PRR16: variants seen among roughly 807,000 people sequenced by gnomAD.
PRR16 encodes the protein proline rich 16, also known as protein Largen.
Under a neutral mutation model 18.2 loss-of-function variants are expected in PRR16, and 6 were observed. The observed-to-expected ratio is 0.33, with a 90% CI of 0.18 to 0.65. PRR16 has a LOEUF of 0.65. Among genes scored for constraint, PRR16 ranks in the 30% least tolerant of loss-of-function variants. The pLI is 0.74. For missense variants in PRR16, 412 were observed against 376.6 expected, an observed-to-expected ratio of 1.09 and a Z score of -0.78; for synonymous variants, 151 against 147.8, an observed-to-expected ratio of 1.02 and a Z score of -0.16.
At chr5:120,539,116 A>G (rs1161402629) in intron 1 of PRR16, among the ~76,000 whole-genome samples, 1 of 152,094 alleles carries the variant, frequency 6.6e-6, no homozygotes, top group Non-Finnish European at 1.5e-5. Flanking sequence ...GGCAACTTTG[A>G]CGCCATTTCT....
chr5:120,574,295 G>T (rs1753005292), intron 1 of PRR16, among the ~76,000 whole-genome samples: 1 of 152,058 alleles, frequency 6.6e-6, no homozygotes, highest in Non-Finnish European at 1.5e-5. Context: ...CAAAAGATAT[G>T]AATAGCCACT....
At position 120,466,055 on chromosome 5, in the gene PRR16, A is replaced by G. The variant is rs893207125; in HGVS notation, c.159+1410A>G. Among the ~76,000 whole-genome samples, 63 of 152,138 alleles carry G rather than the reference A, an allele frequency of 4.1e-4. 2 individuals are homozygous for G. Among genetic ancestry groups the G allele is most frequent in the Non-Finnish European group, 1.0e-4 (7 of 68,024 alleles). ...TGCCAGTGGTAAATGTCGTTCCTGT[A>G]GGTTACTCCACAGACAGAACATAAT... On this transcript the variant is annotated intron_variant, in intron 1 of 1. Coordinates refer to ENST00000407149, the MANE Select transcript of PRR16 (RefSeq NM_001300783.2).
chr5:120,584,738 C>T (rs537235137), intron 1 of PRR16, among the ~76,000 whole-genome samples: 3 of 152,228 alleles, frequency 2.0e-5, no homozygotes, highest in African/African-American at 2.4e-5. Flanking sequence ...TGATTTCTAA[C>T]TTCAAATGTC....
At chr5:120,754,502 T>TATAATATATAG in the PRR16 span, among the ~76,000 whole-genome samples, 315 of 75,626 alleles carry the variant, frequency 4.2e-3, 11 homozygotes, top group African/African-American at 0.016. Flanking sequence ...ATGTATTTTA[T>TATAATATATAG]TATGTATATT....
In PRR16 at chr5:120,508,448, A is replaced by G. The variant is rs139786939; in HGVS notation, c.159+43803A>G. Among the ~76,000 whole-genome samples the G allele has an allele frequency of 5.2e-3, 793 of 152,262 alleles. 13 individuals are homozygous for G. Among genetic ancestry groups the G allele is most frequent in the African/African-American group, 0.018 (756 of 41,578 alleles). ...GGAGAATGTGTGGAGTCTGATGACA[A>G]TTTAATCTCTGTAGCAGTCTGCTGC... On this transcript the variant is annotated intron_variant, in intron 1 of 1. Transcript: ENST00000407149.
intron 1 of PRR16, among the ~76,000 whole-genome samples, chr5:120,665,976 T>C (rs1332549258): frequency 6.6e-6 from 1 of 152,132 alleles, no homozygotes; most frequent in African/African-American, 2.4e-5. Context: ...TTAAAGTAGT[T>C]TTTTCCAATT....
At chr5:120,474,415 C>A (rs1177649525) in intron 1 of PRR16, among the ~76,000 whole-genome samples, 1 of 152,080 alleles carries the variant, frequency 6.6e-6, no homozygotes, top group African/African-American at 2.4e-5. Flanking sequence ...CCTCTTCCTA[C>A]TTTGCAATAG....
At chr5:120,717,747 C>G in the PRR16 span, among the ~76,000 whole-genome samples, 2 of 152,186 alleles carry the variant, frequency 1.3e-5, no homozygotes, top group South Asian at 4.1e-4. Flanking sequence ...ACTCTGTGCT[C>G]TTTATAAATC....
chr5:120,750,305 T>TTCAAG, the PRR16 span, among the ~76,000 whole-genome samples: 2 of 152,098 alleles, frequency 1.3e-5, no homozygotes, highest in African/African-American at 4.8e-5. Context: ...CTCCATAAGA[T>TTCAAG]TCAAGTCAAC....
At chr5:120,601,682 A>C (rs1753987047) in intron 1 of PRR16, among the ~76,000 whole-genome samples, 1 of 151,774 alleles carries the variant, frequency 6.6e-6, no homozygotes, top group Non-Finnish European at 1.5e-5. Context: ...TTCTTCTAGA[A>C]TTTTTATAGT....
chr5:120,534,068 G>A (rs300974), intron 1 of PRR16, among the ~76,000 whole-genome samples: 105,448 of 152,018 alleles, frequency 0.69, 38,759 homozygotes, highest in East Asian at 0.86. Flanking sequence ...AGGTTTTAAC[G>A]GGTGGAGATT....
At chr5:120,642,929 C>T (rs539495557) in intron 1 of PRR16, among the ~76,000 whole-genome samples, 1 of 152,184 alleles carries the variant, frequency 6.6e-6, no homozygotes, top group African/African-American at 2.4e-5. Flanking sequence ...GTTTCCATGT[C>T]TTCATTCTTG....
the PRR16 span, among the ~76,000 whole-genome samples, chr5:120,732,423 A>T: frequency 6.6e-6 from 1 of 152,070 alleles, no homozygotes; most frequent in Non-Finnish European, 1.5e-5. Flanking sequence ...CAGTACCCTG[A>T]TATATTGATT....
At chr5:120,730,331 G>C in the PRR16 span, among the ~76,000 whole-genome samples, 32 of 152,260 alleles carry the variant, frequency 2.1e-4, no homozygotes, top group Middle Eastern at 3.4e-3. Flanking sequence ...ATGGATTTTA[G>C]TGTGAAGATG....
At chr5:120,679,719 C>T (rs945499679) in intron 1 of PRR16, among the ~76,000 whole-genome samples, 16 of 151,922 alleles carry the variant, frequency 1.1e-4, no homozygotes, top group African/African-American at 3.1e-4. Flanking sequence ...TGGACTTGAA[C>T]GACATTATGC....
the PRR16 span, among the ~76,000 whole-genome samples, chr5:120,726,177 A>G: frequency 6.6e-6 from 1 of 152,140 alleles, no homozygotes; most frequent in Admixed American, 6.6e-5. Flanking sequence ...TACATTGAAA[A>G]TATAAGGAAA....
At chr5:120,667,480 T>G (rs1470556779) in intron 1 of PRR16, among the ~76,000 whole-genome samples, 1 of 151,924 alleles carries the variant, frequency 6.6e-6, no homozygotes, top group Non-Finnish European at 1.5e-5. Context: ...TTTTAGTTAT[T>G]TCTTGCCTTC....
chr5:120,628,433 T>C (rs535808721), intron 1 of PRR16, among the ~76,000 whole-genome samples: 20 of 152,124 alleles, frequency 1.3e-4, no homozygotes, highest in African/African-American at 4.8e-4. Context: ...GATAATGGAT[T>C]CTGTTTCTGT....
intron 1 of PRR16, among the ~76,000 whole-genome samples, chr5:120,482,152 C>T (rs1749639237): frequency 6.6e-6 from 1 of 151,992 alleles, no homozygotes; most frequent in Non-Finnish European, 1.5e-5. Context: ...TTTTATTTTA[C>T]ATTCAGGGGG....
Sources: allele counts gnomAD v4.1 joint callset (sites outside exome capture counted in the v4.1 genomes callset), GRCh38; gene constraint gnomAD v4.1.1; transcripts MANE v1.5; gene names NCBI Gene and HGNC (gene_info 2026-07-23, HGNC 2026-07-21).